Variants in ANTXR1 observed in about 807,000 individuals in gnomAD.
ANTXR1 encodes the protein ANTXR cell adhesion molecule 1.
ANTXR1 carries 19 observed loss-of-function variants against 78.1 expected under a neutral mutation model. That is an observed-to-expected ratio of 0.24 (90% CI 0.17 to 0.36). ANTXR1 has a LOEUF of 0.36. Among genes scored for constraint, ANTXR1 ranks in the 10% least tolerant of loss-of-function variants. ANTXR1 has a pLI of 1.00. For missense variants in ANTXR1, 518 were observed against 718.6 expected, an observed-to-expected ratio of 0.72 and a Z score of 3.19; for synonymous variants, 273 against 260.5, an observed-to-expected ratio of 1.05 and a Z score of -0.46.
intron 13 of ANTXR1, among the ~76,000 whole-genome samples, chr2:69,165,017 T>C (rs1415756952): frequency 1.3e-5 from 2 of 152,170 alleles, no homozygotes; most frequent in East Asian, 3.9e-4. Context: ...AATTCACAGT[T>C]CTCAAAGTGT....
chr2:69,109,640 A>G (rs1304597115), intron 10 of ANTXR1, among the ~76,000 whole-genome samples: 1 of 152,164 alleles, frequency 6.6e-6, no homozygotes, highest in Non-Finnish European at 1.5e-5. Context: ...CAACTGGCCA[A>G]CCACTTGGAA....
chr2:69,158,650 CAGTAT>C (rs1673593920), intron 13 of ANTXR1, among the ~76,000 whole-genome samples: 1 of 152,156 alleles, frequency 6.6e-6, no homozygotes, highest in Admixed American at 6.6e-5. Flanking sequence ...TTTTCACTTT[CAGTAT>C]AGTATTCAAT....
intron 17 of ANTXR1, among the ~76,000 whole-genome samples, chr2:69,209,534 A>T (rs1218754758): frequency 2.0e-5 from 3 of 152,234 alleles, no homozygotes; most frequent in Admixed American, 1.3e-4. Flanking sequence ...GATTCACAGC[A>T]CCCAAGTGTT....
intron 17 of ANTXR1, among the ~76,000 whole-genome samples, chr2:69,209,980 T>TTATA (rs1675001086): frequency 2.6e-5 from 4 of 152,216 alleles, no homozygotes; most frequent in Non-Finnish European, 5.9e-5. Flanking sequence ...GAAGAATCAG[T>TTATA]TATACAGAGA....
chr2:69,185,750 A>G (rs1674399926), intron 16 of ANTXR1, among the ~76,000 whole-genome samples: 1 of 152,120 alleles, frequency 6.6e-6, no homozygotes, highest in African/African-American at 2.4e-5. Context: ...TTTACCACAA[A>G]CACAACTGCT....
intron 1 of ANTXR1, among the ~76,000 whole-genome samples, chr2:69,015,820 T>C (rs920495736): frequency 1.3e-5 from 2 of 152,236 alleles, no homozygotes; most frequent in African/African-American, 4.8e-5. Flanking sequence ...TATTGCCACA[T>C]AAATCACTCT....
At chr2:69,237,195 C>T (rs1192237832) in intron 17 of ANTXR1, among the ~76,000 whole-genome samples, 1 of 152,096 alleles carries the variant, frequency 6.6e-6, no homozygotes, top group East Asian at 1.9e-4. Context: ...TTCATCTTAC[C>T]CTCAGTTCTG....
chr2:69,046,242 A>G (rs1303648139), intron 3 of ANTXR1, among the ~76,000 whole-genome samples: 1 of 152,098 alleles, frequency 6.6e-6, no homozygotes, highest in Non-Finnish European at 1.5e-5. Flanking sequence ...TGGCCAAGAG[A>G]CCAGGTTCAC....
rs74263538 is a variant in ANTXR1 at position 69,051,383 on chromosome 2, A to G, written c.296+6570A>G. On this transcript the variant is annotated intron_variant, in intron 3 of 17. Coordinates refer to ENST00000303714, the MANE Select transcript of ANTXR1 (RefSeq NM_032208.3). ...CTGATATGGTTGTTGAATTTTATAC[A>G]TTTTGACATGTCCTGTTCTTATTAT... Among the ~76,000 whole-genome samples, 2,418 of 152,112 alleles carry G rather than the reference A, an allele frequency of 0.016. 97 individuals are homozygous for G. The East Asian group carries it at 0.17, about 11-fold the overall frequency.
At chr2:69,101,009 G>GA (rs1671596334) in intron 9 of ANTXR1, among the ~76,000 whole-genome samples, 1 of 152,152 alleles carries the variant, frequency 6.6e-6, no homozygotes, top group Non-Finnish European at 1.5e-5. Flanking sequence ...ATGAGTCCCA[G>GA]TTTTTCTGCT....
At chr2:69,212,253 A>G (rs1021737317) in intron 17 of ANTXR1, among the ~76,000 whole-genome samples, 5 of 152,202 alleles carry the variant, frequency 3.3e-5, no homozygotes, top group Admixed American at 2.0e-4. Context: ...AAGAGAGGAG[A>G]AAACCAGGGA....
chr2:69,119,697 A>G (rs1422565160), intron 10 of ANTXR1, among the ~76,000 whole-genome samples: 1 of 152,204 alleles, frequency 6.6e-6, no homozygotes, highest in African/African-American at 2.4e-5. Flanking sequence ...GGTTGTCATT[A>G]CAAGGAAACG....
intron 13 of ANTXR1, among the ~76,000 whole-genome samples, chr2:69,163,290 G>A (rs765563856): frequency 2.1e-5 from 3 of 145,862 alleles, no homozygotes; most frequent in African/African-American, 7.7e-5. Flanking sequence ...CTTTTGTTGT[G>A]TTGCCAGGTT....
intron 16 of ANTXR1, among the ~76,000 whole-genome samples, chr2:69,183,568 A>ATTTTTT (rs1558628939): frequency 1.7e-5 from 2 of 118,378 alleles, no homozygotes; most frequent in African/African-American, 7.3e-5. Flanking sequence ...CACCCAGCTA[A>ATTTTTT]TTTTTGTTTT....
At chr2:69,142,529 T>G (rs559714417) in intron 12 of ANTXR1, among the ~76,000 whole-genome samples, 7 of 152,340 alleles carry the variant, frequency 4.6e-5, no homozygotes, top group Admixed American at 4.6e-4. Flanking sequence ...AGTGGTGGTA[T>G]TTACTGGTCT....
chr2:69,145,450 T>C, intron 12 of ANTXR1: 1 of 1,544,578 alleles, frequency 6.5e-7, no homozygotes, highest in South Asian at 1.2e-5. Flanking sequence ...CATGCTCGGT[T>C]TACACTTTCC....
chr2:69,065,218 G>A (rs1309205090), intron 3 of ANTXR1, among the ~76,000 whole-genome samples: 1 of 152,072 alleles, frequency 6.6e-6, no homozygotes, highest in Non-Finnish European at 1.5e-5. Flanking sequence ...AAGGTCAGGA[G>A]ATCGAGACCA....
chr2:69,204,402 C>A (rs955647382), intron 17 of ANTXR1, among the ~76,000 whole-genome samples: 2 of 152,188 alleles, frequency 1.3e-5, no homozygotes, highest in South Asian at 4.1e-4. Flanking sequence ...GTTGGACTGG[C>A]AGTTCCTCAT....
intron 17 of ANTXR1, among the ~76,000 whole-genome samples, chr2:69,193,917 C>A (rs1399787733): frequency 6.6e-6 from 1 of 152,182 alleles, no homozygotes; most frequent in Non-Finnish European, 1.5e-5. Flanking sequence ...GCCCAGCTAG[C>A]CCAGGACCAG....
Sources: allele counts gnomAD v4.1 joint callset (sites outside exome capture counted in the v4.1 genomes callset), GRCh38; gene constraint gnomAD v4.1.1; transcripts MANE v1.5; gene names NCBI Gene and HGNC (gene_info 2026-07-23, HGNC 2026-07-21).